Variants in GABRB1 observed in about 807,000 individuals in gnomAD.
GABRB1 encodes gamma-aminobutyric acid receptor subunit beta-1.
GABRB1 carries 17 observed loss-of-function variants against 51.6 expected under a neutral mutation model. That is an observed-to-expected ratio of 0.33 (90% CI 0.23 to 0.49). The LOEUF (loss-of-function observed/expected upper bound fraction) is 0.49, where lower values mean the gene tolerates loss of function less well. Ranked by LOEUF, GABRB1 falls within the 20% of genes least tolerant of loss-of-function variation. The pLI is 0.99. For missense variants in GABRB1, 410 were observed against 600.6 expected (o/e 0.68, Z 3.32); for synonymous variants, 247 against 218.9 (o/e 1.13, Z -1.14).
At chr4:47,171,833 T>C (rs1231606358) in intron 4 of GABRB1, among the ~76,000 whole-genome samples, 1 of 152,130 alleles carries the variant, frequency 6.6e-6, no homozygotes, top group African/African-American at 2.4e-5. Flanking sequence ...GTTTTCCTTA[T>C]AAACTTTTTG....
intron 5 of GABRB1, among the ~76,000 whole-genome samples, chr4:47,352,641 T>A (rs983672967): frequency 3.9e-5 from 6 of 152,226 alleles, no homozygotes; most frequent in African/African-American, 1.4e-4. Flanking sequence ...TAATCCAGCA[T>A]ATAAACAGAA....
At chr4:47,329,779 A>AGAT (rs976835062) in intron 5 of GABRB1, among the ~76,000 whole-genome samples, 20 of 150,690 alleles carry the variant, frequency 1.3e-4, no homozygotes, top group African/African-American at 4.9e-4. Context: ...ACATGTATAT[A>AGAT]GATATATATA....
At chr4:47,419,612 C>G (rs758258413) in intron 8 of GABRB1, among the ~76,000 whole-genome samples, 13 of 152,126 alleles carry the variant, frequency 8.5e-5, no homozygotes, top group Non-Finnish European at 1.6e-4. Context: ...TTGTTGAGAT[C>G]TCTGAATTTA....
intron 4 of GABRB1, among the ~76,000 whole-genome samples, chr4:47,162,986 C>A (rs1294685745): frequency 2.6e-5 from 4 of 152,020 alleles, no homozygotes; most frequent in Non-Finnish European, 5.9e-5. Context: ...TTTCCCACTT[C>A]CTCTTCCCTC....
intron 3 of GABRB1, among the ~76,000 whole-genome samples, chr4:47,125,555 A>ATTTTTTTTTTTT (rs570181191): frequency 4.8e-5 from 1 of 21,020 alleles, no homozygotes; most frequent in African/African-American, 1.3e-4. Flanking sequence ...ACAAAGTATA[A>ATTTTTTTTTTTT]TTTCTTTTTT....
chr4:47,425,938 A>G lies in GABRB1; in HGVS notation c.1345A>G (p.Ile449Val). The G allele has an allele frequency of 6.2e-7, 1 of 1,613,938 alleles. No homozygotes were observed. The highest frequency in any genetic ancestry group is 8.5e-7 in the Non-Finnish European group (1 of 1,179,838). The change falls in exon 9 of 9, where the codon ATA (isoleucine) becomes GTA (valine). Residue 449 changes from isoleucine (I) to valine (V), a missense_variant. Ile to Val is a conservative substitution (Grantham distance 29). Coordinates refer to ENST00000295454, the MANE Select transcript of GABRB1 (RefSeq NM_000812.4). ...CCCCGACTTGACTGATGTGAATTCC[A>G]TAGACAAGTGGTCCCGAATGTTTTT... is the stretch of plus-strand genomic sequence containing the variant. The part of the protein sequence containing the change: ...KIPDLTDVNS[I>V]DKWSRMFFPI...
chr4:47,176,308 T>A (rs1304818264), intron 4 of GABRB1, among the ~76,000 whole-genome samples: 1 of 152,138 alleles, frequency 6.6e-6, no homozygotes, highest in Non-Finnish European at 1.5e-5. Flanking sequence ...AAAACAAAGA[T>A]AATTAACACA....
intron 8 of GABRB1, among the ~76,000 whole-genome samples, chr4:47,422,795 C>T (rs1008239592): frequency 6.6e-6 from 1 of 151,986 alleles, no homozygotes; most frequent in Non-Finnish European, 1.5e-5. Context: ...CTCTTTTTTT[C>T]CACCCTATAC....
chr4:47,031,410 G>C (rs1256806091), upstream of GABRB1: 2 of 551,596 alleles, frequency 3.6e-6, no homozygotes, highest in African/African-American at 3.8e-5. Context: ...CCCCTGCGTG[G>C]AAACAGCAGC....
chr4:47,125,516 C>T (rs1577930885), intron 3 of GABRB1, among the ~76,000 whole-genome samples: 1 of 148,702 alleles, frequency 6.7e-6, no homozygotes, highest in Non-Finnish European at 1.5e-5. Flanking sequence ...TTCAAGATAG[C>T]TATAGATACA....
At chr4:47,399,579 A>AGGAAC (rs1728308404) in intron 5 of GABRB1, among the ~76,000 whole-genome samples, 2 of 152,138 alleles carry the variant, frequency 1.3e-5, no homozygotes, top group Non-Finnish European at 2.9e-5. Flanking sequence ...TCTCTTTCTA[A>AGGAAC]GGTGGAGTCC....
chr4:47,099,421 C>A (rs760059526), intron 3 of GABRB1, among the ~76,000 whole-genome samples: 12 of 152,030 alleles, frequency 7.9e-5, no homozygotes, highest in Non-Finnish European at 1.3e-4. Flanking sequence ...CTTATGAATG[C>A]CCCAAAGGCA....
intron 3 of GABRB1, among the ~76,000 whole-genome samples, chr4:47,119,452 C>T (rs1308219670): frequency 6.6e-6 from 1 of 151,380 alleles, no homozygotes; most frequent in Non-Finnish European, 1.5e-5. Flanking sequence ...CAACCTCAGA[C>T]ATCATGAATA....
chr4:46,995,911 G>A (rs1275153688), intron 1 of GABRB1, among the ~76,000 whole-genome samples: 3 of 152,012 alleles, frequency 2.0e-5, no homozygotes, highest in African/African-American at 4.8e-5. Flanking sequence ...TTGGGTTATA[G>A]TATTTAAGTT....
chr4:47,371,525 A>G (rs999990248), intron 5 of GABRB1, among the ~76,000 whole-genome samples: 3 of 152,188 alleles, frequency 2.0e-5, no homozygotes, highest in Non-Finnish European at 2.9e-5. Context: ...TGTCTTCCAC[A>G]ATGGTTGAAT....
At chr4:47,267,660 T>A (rs1449737025) in intron 4 of GABRB1, among the ~76,000 whole-genome samples, 1 of 152,030 alleles carries the variant, frequency 6.6e-6, no homozygotes, top group Non-Finnish European at 1.5e-5. Flanking sequence ...CCAGGCATGG[T>A]GGCAGGCGGC....
chr4:47,410,797 G>T (rs1173361090), intron 8 of GABRB1, among the ~76,000 whole-genome samples: 1 of 152,156 alleles, frequency 6.6e-6, no homozygotes, highest in Non-Finnish European at 1.5e-5. Flanking sequence ...GAGTGTGGGG[G>T]TGGTAAGCAC....
intron 3 of GABRB1, among the ~76,000 whole-genome samples, chr4:47,064,455 T>C (rs1726976353): frequency 6.6e-6 from 1 of 151,670 alleles, no homozygotes; most frequent in Admixed American, 6.6e-5. Context: ...GCCAACATGG[T>C]GAAACTCCGT....
intron 3 of GABRB1, among the ~76,000 whole-genome samples, chr4:47,051,170 G>T (rs557041143): frequency 6.6e-6 from 1 of 152,172 alleles, no homozygotes; most frequent in Non-Finnish European, 1.5e-5. Context: ...AAAAAAAGAC[G>T]GGGATTTCAG....
Sources: gnomAD v4.1 joint callset for allele counts (sites outside exome capture counted in the v4.1 genomes callset) on GRCh38, gnomAD v4.1.1 for gene constraint, MANE v1.5 for transcripts, NCBI Gene and HGNC (gene_info 2026-07-23, HGNC 2026-07-21) for gene names.